FBXO24: variants seen among roughly 807,000 people sequenced by gnomAD.
FBXO24 encodes F-box only protein 24.
FBXO24 carries 30 observed loss-of-function variants against 63.5 expected under a neutral mutation model. The ratio of observed to expected loss-of-function variants is 0.47; its 90% CI spans 0.35 to 0.64. The LOEUF (loss-of-function observed/expected upper bound fraction) is 0.64, where lower values mean the gene tolerates loss of function less well. Among genes scored for constraint, FBXO24 ranks in the 30% least tolerant of loss-of-function variants. The pLI, the probability that FBXO24 is intolerant of heterozygous loss-of-function variation, is 0.00. For missense variants in FBXO24, 624 were observed against 763.4 expected (o/e 0.82, Z 2.15); for synonymous variants, 300 against 305.0 (o/e 0.98, Z 0.17).
chr7:100,591,744 C>A lies in FBXO24; in HGVS notation c.400C>A (p.His134Asn), dbSNP rs1347850492. 3 of 1,614,128 alleles carry A rather than the reference C, an allele frequency of 1.9e-6. No individual in the cohort carries two copies. The highest frequency in any genetic ancestry group is 2.5e-6 in the Non-Finnish European group (3 of 1,180,046). ...CAAGAGCGTGGCCCCCTTGCTAGCC[C>A]ACGGCTACCGCCGCTTCTTGCCCAC... is the stretch of plus-strand genomic sequence containing the variant. ...LSKSVAPLLA[H>N]GYRRFLPTKD... The change falls in exon 4 of 10, where the codon CAC becomes AAC. Residue 134 changes from histidine (H) to asparagine (N), a missense_variant. Transcript: ENST00000241071.
intron 5 of FBXO24, 129 bp downstream of exon 5, chr7:100,593,146 C>T (rs562409100): frequency 2.7e-5 from 18 of 672,718 alleles, no homozygotes; most frequent in Admixed American, 7.5e-5. Context: ...TCCATCTAAA[C>T]AGCTCTGCCC....
rs1048874367 is a variant in FBXO24 at position 100,586,509 on chromosome 7, C to G, written c.-117C>G. The G allele has an allele frequency of 1.8e-6, 2 of 1,132,732 alleles. No individual in the cohort carries two copies. The highest frequency in any genetic ancestry group is 1.5e-5 in the African/African-American group (1 of 65,380). The allele number at this position is 1,132,732 out of a possible 1,614,324, so 70.2% of individuals were successfully genotyped here. A position where few individuals can be genotyped will look rare whatever the true frequency, so the allele number is the denominator to read the frequency against. ...GCAGGGGGTGCCTAGTCCTCGTCCCCCAAAGACCAATCGTAAGCCAGATAC... is the reference window on the plus strand; with the variant it reads ...GCAGGGGGTGCCTAGTCCTCGTCCCGCAAAGACCAATCGTAAGCCAGATAC... On this transcript the variant is annotated 5_prime_UTR_variant, in exon 1 of 10. Transcript: ENST00000241071.
Position 100,594,527 on chromosome 7 carries a change from C to A in FBXO24, c.938C>A (p.Thr313Asn). 1 of 1,605,074 alleles carries A rather than the reference C, an allele frequency of 6.2e-7. No individual in the cohort carries two copies. The highest frequency in any genetic ancestry group is 8.5e-7 in the Non-Finnish European group (1 of 1,175,510). ...VACMTSNQSS[T>N]LYVTDQGGVY... ...TGCATGACTTCCAACCAGAGCAGCA[C>A]CCTCTACGTCACAGGTATGGACCAC... Residue 313 changes from threonine to asparagine, a missense_variant, in exon 6 of 10, where the codon ACC becomes AAC. Thr to Asn is a moderately conservative substitution (Grantham distance 65). Transcript: ENST00000241071. The surrounding 1 kb of genome is among the most constrained non-coding windows in gnomAD (Gnocchi z 4.2).
intron 8 of FBXO24, 35 bp downstream of exon 8, chr7:100,595,741 C>T (rs374801330): frequency 1.9e-6 from 3 of 1,543,310 alleles, no homozygotes; most frequent in African/African-American, 2.7e-5. Flanking sequence ...CATCCCAACC[C>T]CTTTCCTCCA....
At chr7:100,587,662 C>T (rs1258184640) in intron 1 of FBXO24, among the ~76,000 whole-genome samples, 1 of 137,830 alleles carries the variant, frequency 7.3e-6, no homozygotes, top group East Asian at 2.2e-4. Context: ...TGCAGTGGTG[C>T]AGTCATGGCT....
chr7:100,587,421 G>A (rs997643968), intron 1 of FBXO24, among the ~76,000 whole-genome samples: 2 of 151,910 alleles, frequency 1.3e-5, no homozygotes, highest in African/African-American at 4.8e-5. Context: ...TCCTGCCTCA[G>A]CCTCCCGAGT....
intron 5 of FBXO24, among the ~76,000 whole-genome samples, chr7:100,593,787 A>T (rs1382548937): frequency 5.3e-5 from 7 of 131,206 alleles, no homozygotes; most frequent in African/African-American, 6.0e-5. Context: ...ACAGAGTGAG[A>T]CTCCATCTCC....
chr7:100,595,780 C>T, intron 8 of FBXO24, 74 bp downstream of exon 8: 1 of 1,487,018 alleles, frequency 6.7e-7, no homozygotes, highest in South Asian at 1.4e-5. Context: ...CTGTCCACTT[C>T]TCCAGATTCC....
Position 100,594,404 on chromosome 7 carries a change from T to A in FBXO24, c.815T>A (p.Leu272Ter), listed in dbSNP as rs1386192722. 1 of 1,612,712 alleles carries A rather than the reference T, an allele frequency of 6.2e-7. No homozygotes were observed. Among genetic ancestry groups the A allele is most frequent in the Non-Finnish European group, 8.5e-7 (1 of 1,179,548 alleles). Reference sequence around the variant, plus strand: ...CCAGAGGAAGGAAAGATCTACTCTTTGGTAGTGAATGAGACCCAGCTTGAC... The same window carrying A: ...CCAGAGGAAGGAAAGATCTACTCTTAGGTAGTGAATGAGACCCAGCTTGAC... ...LLTEEGKIYS[L>*]VVNETQLDQP... is the part of the protein sequence containing the mutation. The change falls in exon 6 of 10, where the codon TTG (leucine) becomes TAG (stop). Residue 272 changes from leucine (L) to a stop codon, truncating the protein, a stop_gained. Coordinates refer to ENST00000241071, the MANE Select transcript of FBXO24 (RefSeq NM_033506.3). LOFTEE classifies it high-confidence loss of function. The surrounding 1 kb of genome is among the most constrained non-coding windows in gnomAD (Gnocchi z 4.2).
chr7:100,586,494 C>T lies in FBXO24; in HGVS notation c.-132C>T, dbSNP rs971868166. 5.4e-6 allele frequency: 5 copies of T among 923,756 alleles called. No individual in the cohort carries two copies. The African/African-American group carries it at 8.2e-5, about 15-fold the overall frequency. The allele number at this position is 923,756 out of a possible 1,614,324, so 57.2% of individuals were successfully genotyped here. On this transcript the variant is annotated 5_prime_UTR_variant, in exon 1 of 10. Coordinates refer to ENST00000241071, the MANE Select transcript of FBXO24 (RefSeq NM_033506.3). ...GCCGAGGGACCGCAAGCAGGGGGTGCCTAGTCCTCGTCCCCCAAAGACCAA... is the reference window on the plus strand; with the variant it reads ...GCCGAGGGACCGCAAGCAGGGGGTGTCTAGTCCTCGTCCCCCAAAGACCAA...
At chr7:100,589,570 C>T (rs1338386568) in intron 1 of FBXO24, 22 of 1,428,088 alleles carry the variant, frequency 1.5e-5, no homozygotes, top group Admixed American at 5.9e-5. Context: ...GTTTGTTAGC[C>T]CCAGACTCCA....
In FBXO24 at chr7:100,591,889, G is replaced by A. The variant is rs747841487; in HGVS notation, c.545G>A (p.Arg182His). Residue 182 changes from arginine to histidine, a missense_variant, in exon 4 of 10, where the codon CGT (arginine) becomes CAT (histidine). Transcript: ENST00000241071. Reference protein sequence around the residue: ...KRACRYVVLCRGAKDFASDPR... With the variant: ...KRACRYVVLCHGAKDFASDPR... ...GCCTGTCGCTATGTTGTGTTGTGTC[G>A]TGGAGCCAAGGATGTGAGTAGCAGA... The A allele has an allele frequency of 2.0e-5, 32 of 1,614,046 alleles. No individual in the cohort carries two copies. Among genetic ancestry groups the A allele is most frequent in the Middle Eastern group, 1.6e-4 (1 of 6,084 alleles).
At chr7:100,598,323 G>A (rs1414288711) in intron 8 of FBXO24, among the ~76,000 whole-genome samples, 2 of 152,204 alleles carry the variant, frequency 1.3e-5, no homozygotes, top group Admixed American at 6.5e-5. Flanking sequence ...TTTTTTGCTT[G>A]CCAATGTTTC....
At chr7:100,591,031 ATT>A (rs930978218) in intron 3 of FBXO24, among the ~76,000 whole-genome samples, 161 of 86,664 alleles carry the variant, frequency 1.9e-3, no homozygotes, top group African/African-American at 6.0e-3. Context: ...TTTTTCTTTG[ATT>A]TTTTTTTTTT....
In FBXO24 at chr7:100,600,839, C is replaced by G; in HGVS notation, c.1683C>G (p.Asp561Glu). 1 of 1,614,090 alleles carries G rather than the reference C, an allele frequency of 6.2e-7. No homozygotes were observed. Among genetic ancestry groups the G allele is most frequent in the Non-Finnish European group, 8.5e-7 (1 of 1,179,962 alleles). The change falls in exon 10 of 10, where the codon GAC (aspartate) becomes GAG (glutamate). Residue 561 changes from aspartate (D) to glutamate (E), a missense_variant. Physicochemically the swap from Asp to Glu is conservative, Grantham distance 45. Around this residue, in one of 3 missense-constraint regions of FBXO24, gnomAD observed 216 missense variants for 245.2 expected, o/e 0.88. Coordinates refer to ENST00000241071, the MANE Select transcript of FBXO24 (RefSeq NM_033506.3). This position sits in a 1 kb window ranked among gnomAD's most constrained non-coding sequence, Gnocchi z 6.3. ...AGGACTTCTTCTGGGAGGCCCTGGA[C>G]ATGCTGCAGAGGGCTGAAGGAGGCG... Reference protein sequence around the residue: ...AQKDFFWEALDMLQRAEGGGG... With the variant: ...AQKDFFWEALEMLQRAEGGGG...
Position 100,586,464 on chromosome 7 carries a change from A to G in FBXO24, c.-162A>G. The G allele has an allele frequency of 1.3e-6, 1 of 742,528 alleles. No homozygotes were observed. Among genetic ancestry groups the G allele is most frequent in the Non-Finnish European group, 2.3e-6 (1 of 435,360 alleles). The allele number at this position is 742,528 out of a possible 1,614,324, so 46.0% of individuals were successfully genotyped here. On this transcript the variant is annotated 5_prime_UTR_variant, in exon 1 of 10. Transcript: ENST00000241071. ...GACACCGGCACTCCACTAGCAGGAAAACGGGCCGAGGGACCGCAAGCAGGG... is the reference window on the plus strand; with the variant it reads ...GACACCGGCACTCCACTAGCAGGAAGACGGGCCGAGGGACCGCAAGCAGGG...
intron 4 of FBXO24, chr7:100,592,128 G>A: frequency 2.2e-6 from 1 of 460,384 alleles, no homozygotes; most frequent in South Asian, 2.2e-5. Context: ...GTGTGGTGGT[G>A]GGTGCCTATA....
At chr7:100,589,381 C>T (rs1176314520) in intron 1 of FBXO24, 2 of 1,162,332 alleles carry the variant, frequency 1.7e-6, no homozygotes, top group East Asian at 4.1e-5. Context: ...CCTCCTGCTC[C>T]CTGAAATAAA....
Position 100,594,656 on chromosome 7 carries a change from A to G in FBXO24, c.952+115A>G. 2.4e-6 allele frequency: 3 copies of G among 1,230,610 alleles called. No homozygotes were observed. Among genetic ancestry groups the G allele is most frequent in the Non-Finnish European group, 3.2e-6 (3 of 928,604 alleles). The allele number at this position is 1,230,610 out of a possible 1,614,324, so 76.2% of individuals were successfully genotyped here. ...TGAACCCCTGAGGGCATCCTAGTGA[A>G]AAGATGTGTTTAGGGCCGGCATGGT... On this transcript the variant is annotated intron_variant, in intron 6 of 9. Coordinates refer to ENST00000241071, the MANE Select transcript of FBXO24 (RefSeq NM_033506.3). The surrounding 1 kb of genome is among the most constrained non-coding windows in gnomAD (Gnocchi z 4.2).
Sources: allele counts gnomAD v4.1 joint callset (sites outside exome capture counted in the v4.1 genomes callset), GRCh38; gene constraint gnomAD v4.1.1; regional missense constraint gnomAD v4.1.1; non-coding constraint Gnocchi (gnomAD v3.1); transcripts MANE v1.5; gene names NCBI Gene and HGNC (gene_info 2026-07-23, HGNC 2026-07-21).